RORA: variants seen among roughly 807,000 people sequenced by gnomAD.
RORA encodes RAR related orphan receptor A.
RORA carries 7 observed loss-of-function variants against 69.5 expected under a neutral mutation model. The observed-to-expected ratio is 0.10, with a 90% CI of 0.06 to 0.19. RORA has a LOEUF of 0.19. Among genes scored for constraint, RORA ranks in the 10% least tolerant of loss-of-function variants. The pLI is 1.00. For synonymous variants in RORA, 261 were observed against 240.8 expected (o/e 1.08, Z -0.78); for missense variants, 457 against 663.0 (o/e 0.69, Z 3.41).
chr15:60,841,028 A>C, intron 1 of RORA: 1 of 935,248 alleles, frequency 1.1e-6, no homozygotes, highest in East Asian at 1.2e-4. Context: ...CGGAAGCCAG[A>C]GAAATTTAGG....
chr15:60,939,725 GCTAACT>G (rs1158668231), intron 1 of RORA, among the ~76,000 whole-genome samples: 2 of 152,178 alleles, frequency 1.3e-5, no homozygotes. Flanking sequence ...AAGTCTGAGA[GCTAACT>G]CTTCCCGGGT....
chr15:61,125,727 A>C (rs2079137315), intron 1 of RORA, among the ~76,000 whole-genome samples: 1 of 152,190 alleles, frequency 6.6e-6, no homozygotes, highest in African/African-American at 2.4e-5. Flanking sequence ...TTCTCCTCCC[A>C]GTTCCAAATC....
chr15:60,643,663 C>T (rs72748768), intron 2 of RORA, among the ~76,000 whole-genome samples: 1 of 152,152 alleles, frequency 6.6e-6, no homozygotes, highest in Non-Finnish European at 1.5e-5. Flanking sequence ...GGCGACACCC[C>T]CTAGCCTGAC....
chr15:61,009,584 A>AAGCTGTTAACAAC (rs1457455772), intron 1 of RORA, among the ~76,000 whole-genome samples: 3 of 152,232 alleles, frequency 2.0e-5, no homozygotes, highest in Non-Finnish European at 2.9e-5. Context: ...CGTCTTAATG[A>AAGCTGTTAACAAC]AGCTGTTAAC....
chr15:61,153,322 G>A (rs1245146006), intron 1 of RORA, among the ~76,000 whole-genome samples: 1 of 152,140 alleles, frequency 6.6e-6, no homozygotes, highest in Non-Finnish European at 1.5e-5. Context: ...AAGTGGGGTG[G>A]GATGGTTTAT....
intron 1 of RORA, among the ~76,000 whole-genome samples, chr15:61,182,254 A>G (rs1217603386): frequency 6.6e-6 from 1 of 152,218 alleles, no homozygotes; most frequent in Non-Finnish European, 1.5e-5. Context: ...AAGCCCAGAG[A>G]ACTCAAGTTC....
intron 1 of RORA, among the ~76,000 whole-genome samples, chr15:61,098,794 C>T (rs181529019): frequency 4.6e-5 from 7 of 152,272 alleles, no homozygotes; most frequent in Admixed American, 3.3e-4. Context: ...GAACTTAACT[C>T]CTCTTGATTA....
intron 1 of RORA, among the ~76,000 whole-genome samples, chr15:60,857,381 C>T (rs955243809): frequency 2.7e-5 from 4 of 149,476 alleles, no homozygotes; most frequent in Non-Finnish European, 5.9e-5. Context: ...TGCTCATGCA[C>T]CCCAAATGGA....
chr15:60,588,281 A>G (rs1174662689), intron 2 of RORA, among the ~76,000 whole-genome samples: 1 of 152,214 alleles, frequency 6.6e-6, no homozygotes, highest in African/African-American at 2.4e-5. Context: ...GGCAGCCTTG[A>G]TTTCTTACTA....
At chr15:60,646,853 G>A (rs954412363) in intron 2 of RORA, among the ~76,000 whole-genome samples, 8 of 152,210 alleles carry the variant, frequency 5.3e-5, no homozygotes, top group Non-Finnish European at 7.3e-5. Flanking sequence ...GTGGGACTCC[G>A]TTTCCTCACC....
chr15:60,801,466 A>C (rs1168393633), intron 1 of RORA, among the ~76,000 whole-genome samples: 1 of 152,266 alleles, frequency 6.6e-6, no homozygotes, highest in Non-Finnish European at 1.5e-5. Context: ...TCAGGAATAC[A>C]GAACGGCTGT....
At chr15:60,956,478 T>C (rs1178353857) in intron 1 of RORA, among the ~76,000 whole-genome samples, 1 of 152,092 alleles carries the variant, frequency 6.6e-6, no homozygotes, top group African/African-American at 2.4e-5. Flanking sequence ...AACTGGTCTT[T>C]TAGGGGAGGA....
chr15:60,591,074 T>C (rs925551072), intron 2 of RORA, among the ~76,000 whole-genome samples: 3 of 152,314 alleles, frequency 2.0e-5, no homozygotes, highest in Admixed American at 1.3e-4. Context: ...TCATTCCAGA[T>C]TGCAACACAA....
At chr15:61,207,130 A>ACACACACATG (rs1244461129) in intron 1 of RORA, among the ~76,000 whole-genome samples, 1 of 152,032 alleles carries the variant, frequency 6.6e-6, no homozygotes, top group Non-Finnish European at 1.5e-5. Context: ...ACATATATAC[A>ACACACACATG]CACACACACA....
chr15:61,033,132 A>C (rs551697151), intron 1 of RORA, among the ~76,000 whole-genome samples: 1 of 152,252 alleles, frequency 6.6e-6, no homozygotes. Context: ...TCTTGGCTAT[A>C]CCCCAAGGAG....
Position 61,103,673 on chromosome 15 carries a change from T to C in RORA, c.166+125380A>G, listed in dbSNP as rs113635499. Among the ~76,000 whole-genome samples the C allele has an allele frequency of 2.4e-3, 359 of 152,270 alleles. 2 individuals are homozygous for C. The highest frequency in any genetic ancestry group is 8.1e-3 in the African/African-American group (336 of 41,542). Reference sequence around the variant, plus strand: ...CACGTTTGGGGCTCCATTCTAATTCTCAGGGCATTCACACTGTCCTGGCAA... The same window carrying C: ...CACGTTTGGGGCTCCATTCTAATTCCCAGGGCATTCACACTGTCCTGGCAA... On this transcript the variant is annotated intron_variant, in intron 1 of 10. Coordinates refer to ENST00000335670, the MANE Select transcript of RORA (RefSeq NM_134261.3).
At chr15:60,705,414 T>C (rs1438603860) in intron 1 of RORA, among the ~76,000 whole-genome samples, 1 of 152,232 alleles carries the variant, frequency 6.6e-6, no homozygotes. Flanking sequence ...ACCACAAGTA[T>C]GTGCATAATG....
In RORA at chr15:61,025,482, A is replaced by G. The variant is rs1292600905; in HGVS notation, c.166+203571T>C. Among the ~76,000 whole-genome samples the G allele has an allele frequency of 2.0e-5, 3 of 152,142 alleles. No homozygotes were observed. In the East Asian group the frequency reaches 5.8e-4, roughly 29 times the overall value. ...TGGGAGCTGTTGTCCTTGAGTCATT[A>G]CCTCACACTCTTAGAACTTCTTCCA... On this transcript the variant is annotated intron_variant, in intron 1 of 10. Coordinates refer to ENST00000335670, the MANE Select transcript of RORA (RefSeq NM_134261.3).
At chr15:60,769,933 G>A (rs2072048982) in intron 1 of RORA, among the ~76,000 whole-genome samples, 1 of 152,080 alleles carries the variant, frequency 6.6e-6, no homozygotes, top group Non-Finnish European at 1.5e-5. Flanking sequence ...TATTTCCACT[G>A]CCTGAAGAAC....
Sources: gnomAD v4.1 joint callset for allele counts (sites outside exome capture counted in the v4.1 genomes callset) on GRCh38, gnomAD v4.1.1 for gene constraint, MANE v1.5 for transcripts, NCBI Gene and HGNC (gene_info 2026-07-23, HGNC 2026-07-21) for gene names.